GPD2: variants seen among roughly 807,000 people sequenced by gnomAD.
The protein encoded by GPD2 is glycerol-3-phosphate dehydrogenase 2, also known as glycerol-3-phosphate dehydrogenase, mitochondrial.
A neutral mutation model predicts 82.4 loss-of-function variants in GPD2; 54 were observed. That is an observed-to-expected ratio of 0.66 (90% CI 0.53 to 0.82). The LOEUF is 0.82. Ranked by LOEUF, GPD2 falls within the 40% of genes least tolerant of loss-of-function variation. The pLI is 0.00. For synonymous variants in GPD2, 288 were observed against 306.1 expected (o/e 0.94, Z 0.62); for missense variants, 748 against 896.2 (o/e 0.83, Z 2.11).
chr2:156,568,042 A>C (rs1298716393), intron 9 of GPD2, among the ~76,000 whole-genome samples: 5 of 152,150 alleles, frequency 3.3e-5, no homozygotes, highest in Non-Finnish European at 7.4e-5. Flanking sequence ...AGAAAAGAAA[A>C]AAGGCAGAGT....
intron 8 of GPD2, among the ~76,000 whole-genome samples, chr2:156,555,007 G>T (rs1383159097): frequency 1.3e-5 from 2 of 152,180 alleles, no homozygotes; most frequent in African/African-American, 4.8e-5. Context: ...AAAGACCTAT[G>T]CCTTGTTGCA....
intron 9 of GPD2, among the ~76,000 whole-genome samples, chr2:156,566,084 T>C (rs960711252): frequency 6.6e-6 from 1 of 152,128 alleles, no homozygotes; most frequent in Non-Finnish European, 1.5e-5. Context: ...AACTAAAACA[T>C]GGACATGGTA....
intron 8 of GPD2, among the ~76,000 whole-genome samples, chr2:156,556,942 G>A (rs1037380185): frequency 5.3e-5 from 8 of 152,154 alleles, no homozygotes; most frequent in African/African-American, 1.2e-4. Context: ...TCTACTGAGC[G>A]ATGAAATGTC....
chr2:156,469,908 C>A (rs1244333245), intron 1 of GPD2, among the ~76,000 whole-genome samples: 2 of 152,142 alleles, frequency 1.3e-5, no homozygotes, highest in Non-Finnish European at 2.9e-5. Flanking sequence ...GGAAGGGGGT[C>A]CCCATCCAGA....
At position 156,512,277 on chromosome 2, in the gene GPD2, C is replaced by T. The variant is rs199809700; in HGVS notation, c.457C>T (p.His153Tyr). ...TGCCAACCTGCTAGAAATTGCTCCC[C>T]ATTTATCAGCTCCATTGCCTATAAT... The part of the protein sequence containing the change: ...ERANLLEIAP[H>Y]LSAPLPIMLP... The change falls in exon 5 of 17, where the codon CAT (histidine) becomes TAT (tyrosine). Residue 153 changes from histidine (H) to tyrosine (Y), a missense_variant. His to Tyr is a moderately conservative substitution (Grantham distance 83). Transcript: ENST00000438166. The T allele has an allele frequency of 1.9e-6, 3 of 1,602,638 alleles. No individual in the cohort carries two copies. The highest frequency in any genetic ancestry group is 2.7e-5 in the African/African-American group (2 of 74,690).
chr2:156,514,772 A>T (rs534425705), intron 6 of GPD2, among the ~76,000 whole-genome samples: 1 of 152,296 alleles, frequency 6.6e-6, no homozygotes, highest in Non-Finnish European at 1.5e-5. Flanking sequence ...TGAACACCAC[A>T]GGGGGGCCAC....
the GPD2 span, among the ~76,000 whole-genome samples, chr2:156,405,423 G>A: frequency 6.6e-6 from 1 of 152,158 alleles, no homozygotes; most frequent in Non-Finnish European, 1.5e-5. Context: ...TGGAAATGGA[G>A]AATATCACAC....
In GPD2 at chr2:156,453,359, A is replaced by G. The variant is rs143328470; in HGVS notation, c.-9+16846A>G. ...GATAGTGAAGCAAATAGTAGGGTCAATGGACTGAAGGGCCAGATAATGCCA... is the reference window on the plus strand; with the variant it reads ...GATAGTGAAGCAAATAGTAGGGTCAGTGGACTGAAGGGCCAGATAATGCCA... On this transcript the variant is annotated intron_variant, in intron 1 of 16. Coordinates refer to ENST00000438166, the MANE Select transcript of GPD2 (RefSeq NM_000408.5). 3.2e-3 allele frequency among the ~76,000 whole-genome samples: 494 copies of G among 152,336 alleles called. 1 individual carries two copies. The highest frequency in any genetic ancestry group is 0.011 in the African/African-American group (454 of 41,570).
rs1170578499 is a variant in GPD2 at position 156,583,921 on chromosome 2, TG to T, written c.*1008del. On this transcript the variant is annotated 3_prime_UTR_variant, in exon 17 of 17. Coordinates refer to ENST00000438166, the MANE Select transcript of GPD2 (RefSeq NM_000408.5). ...GTCAAATCTAGCTTACCATCTTTTTTGGGGGTACTTGCAACCATAGTAAAGG... is the reference window on the plus strand; with the variant it reads ...GTCAAATCTAGCTTACCATCTTTTTTGGGGTACTTGCAACCATAGTAAAGG... 1 of 152,356 alleles carries T rather than the reference TG, an allele frequency of 6.6e-6. No homozygotes were observed. The highest frequency in any genetic ancestry group is 1.5e-5 in the Non-Finnish European group (1 of 67,978). The allele number at this position is 152,356 out of a possible 1,614,324, so 9.4% of individuals were successfully genotyped here.
the GPD2 span, among the ~76,000 whole-genome samples, chr2:156,410,976 G>A: frequency 1.3e-5 from 2 of 152,168 alleles, no homozygotes; most frequent in Non-Finnish European, 2.9e-5. Flanking sequence ...ACTTTAACGT[G>A]ATTATTTTCC....
At chr2:156,580,204 A>G (rs927637866) in intron 16 of GPD2, among the ~76,000 whole-genome samples, 1 of 152,214 alleles carries the variant, frequency 6.6e-6, no homozygotes, top group Non-Finnish European at 1.5e-5. Context: ...ATTTTTAAAA[A>G]GTATGGTTCT....
chr2:156,579,967 G>A (rs2105379871), intron 16 of GPD2, among the ~76,000 whole-genome samples, 179 bp downstream of exon 16: 1 of 152,324 alleles, frequency 6.6e-6, no homozygotes, highest in East Asian at 1.9e-4. Flanking sequence ...AGGCTCTACT[G>A]TGGTGCATAT....
chr2:156,535,325 A>G (rs1686026323), intron 6 of GPD2, among the ~76,000 whole-genome samples: 1 of 91,186 alleles, frequency 1.1e-5, no homozygotes, highest in East Asian at 3.1e-4. Context: ...GACCTGGGAA[A>G]GAGAGAGAGA....
intron 10 of GPD2, 42 bp downstream of exon 10, chr2:156,569,001 T>TC: frequency 1.9e-6 from 3 of 1,558,138 alleles, no homozygotes; most frequent in Non-Finnish European, 2.6e-6. Flanking sequence ...TTTTTTTTTT[T>TC]TTTTTGTTAT....
At chr2:156,463,438 A>T (rs1441842340) in intron 1 of GPD2, among the ~76,000 whole-genome samples, 1 of 152,212 alleles carries the variant, frequency 6.6e-6, no homozygotes, top group Non-Finnish European at 1.5e-5. Flanking sequence ...ATTATCTAAC[A>T]GTGCTAAATA....
chr2:156,418,599 C>T, the GPD2 span, among the ~76,000 whole-genome samples: 2 of 152,100 alleles, frequency 1.3e-5, no homozygotes, highest in African/African-American at 4.8e-5. Flanking sequence ...CCCCTGGGCC[C>T]TCTGAAGGTT....
At chr2:156,563,339 A>G (rs1367571777) in intron 9 of GPD2, among the ~76,000 whole-genome samples, 3 of 152,204 alleles carry the variant, frequency 2.0e-5, no homozygotes, top group Admixed American at 2.0e-4. Context: ...AGATGAAGCA[A>G]TAATGAAATT....
intron 7 of GPD2, 102 bp downstream of exon 7, chr2:156,549,874 C>T (rs936837459): frequency 4.2e-5 from 36 of 863,342 alleles, no homozygotes; most frequent in East Asian, 2.9e-4. Context: ...ATTTATGCCA[C>T]GCTTCAGAGT....
chr2:156,552,965 T>A (rs899911104), intron 8 of GPD2, among the ~76,000 whole-genome samples: 3 of 145,034 alleles, frequency 2.1e-5, no homozygotes, highest in African/African-American at 5.1e-5. Flanking sequence ...AGTGGTGCCA[T>A]CTTGGCCCAC....
Sources: allele counts gnomAD v4.1 joint callset (sites outside exome capture counted in the v4.1 genomes callset), GRCh38; gene constraint gnomAD v4.1.1; transcripts MANE v1.5; gene names NCBI Gene and HGNC (gene_info 2026-07-23, HGNC 2026-07-21).